Variants in ROBO2 observed in about 807,000 individuals in gnomAD.
ROBO2 encodes roundabout homolog 2.
In ROBO2, 53 loss-of-function variants were observed where a neutral mutation model predicts 160.8. That is an observed-to-expected ratio of 0.33 (90% CI 0.26 to 0.41). The LOEUF is 0.41. ROBO2 is among the 10% of genes least tolerant of loss of function. ROBO2 has a pLI of 1.00. For missense variants in ROBO2, 1,577 were observed against 1,722.4 expected (o/e 0.92, Z 1.49); for synonymous variants, 664 against 611.7 (o/e 1.09, Z -1.26).
intron 2 of ROBO2, among the ~76,000 whole-genome samples, chr3:76,389,383 A>T (rs1023652851): frequency 6.6e-6 from 1 of 152,104 alleles, no homozygotes; most frequent in East Asian, 1.9e-4. Flanking sequence ...AAAATATGGA[A>T]CTCTAGGTTA....
At chr3:77,525,396 A>G (rs937421729) in intron 6 of ROBO2, among the ~76,000 whole-genome samples, 36 of 145,496 alleles carry the variant, frequency 2.5e-4, no homozygotes, top group African/African-American at 9.2e-4. Context: ...AGATCTACTC[A>G]GTTATTTCCC....
chr3:76,217,876 C>A (rs1703669387), intron 2 of ROBO2, among the ~76,000 whole-genome samples: 1 of 152,160 alleles, frequency 6.6e-6, no homozygotes, highest in South Asian at 2.1e-4. Flanking sequence ...GAATTTTAAA[C>A]CAATATCCTT....
At chr3:76,722,155 C>T (rs986295683) in intron 2 of ROBO2, among the ~76,000 whole-genome samples, 5 of 152,078 alleles carry the variant, frequency 3.3e-5, no homozygotes, top group African/African-American at 4.8e-5. Flanking sequence ...TGTTGGGGGC[C>T]TTGTCATTGG....
intron 2 of ROBO2, among the ~76,000 whole-genome samples, chr3:76,746,374 G>A (rs2093892030): frequency 6.6e-6 from 1 of 152,102 alleles, no homozygotes; most frequent in South Asian, 2.1e-4. Flanking sequence ...GGGTCAAATG[G>A]TATTTCTAGT....
chr3:76,531,964 G>A (rs1403429228), intron 2 of ROBO2, among the ~76,000 whole-genome samples: 4 of 152,222 alleles, frequency 2.6e-5, no homozygotes, highest in Admixed American at 1.3e-4. Context: ...TGCCCAATGT[G>A]ACATGTCTGG....
intron 2 of ROBO2, among the ~76,000 whole-genome samples, chr3:76,008,852 A>G (rs2066108218): frequency 6.6e-6 from 1 of 152,162 alleles, no homozygotes; most frequent in South Asian, 2.1e-4. Context: ...TGACATGTGG[A>G]CCTTCAGAAA....
intron 2 of ROBO2, among the ~76,000 whole-genome samples, chr3:76,310,770 G>A (rs1486004465): frequency 1.3e-5 from 2 of 152,082 alleles, no homozygotes; most frequent in Non-Finnish European, 1.5e-5. Flanking sequence ...TATCCGTGGC[G>A]GTTCCTGGGT....
intron 2 of ROBO2, among the ~76,000 whole-genome samples, chr3:77,460,618 A>G (rs1473459153): frequency 6.6e-6 from 1 of 152,210 alleles, no homozygotes; most frequent in Non-Finnish European, 1.5e-5. Flanking sequence ...CCAGAAGACA[A>G]GGTAAAAAAC....
chr3:76,044,751 A>G (rs1321878993), intron 2 of ROBO2, among the ~76,000 whole-genome samples: 1 of 152,172 alleles, frequency 6.6e-6, no homozygotes, highest in South Asian at 2.1e-4. Flanking sequence ...GATAAGTGCC[A>G]TGACTAAAAT....
chr3:77,040,081 T>A lies in ROBO2; in HGVS notation c.-705T>A. On this transcript the variant is annotated 5_prime_UTR_variant, in exon 1 of 26. Coordinates refer to ENST00000461745, the Ensembl canonical transcript of ROBO2. ...CTCCCTCCCTCCCTCCCTCGCTCCT[T>A]CCCTGCCTCCCTCACCACGTAGGAG... is the stretch of plus-strand genomic sequence containing the variant. The A allele has an allele frequency of 4.9e-6, 2 of 404,950 alleles. No individual in the cohort carries two copies. Among genetic ancestry groups the A allele is most frequent in the Non-Finnish European group, 3.3e-6 (1 of 304,502 alleles). 25.1% of individuals were successfully genotyped at this position (404,950 alleles called of 1,614,324 possible). A position where few individuals can be genotyped will look rare whatever the true frequency, so the allele number is the denominator to read the frequency against.
chr3:76,514,183 T>C (rs1428367110), intron 2 of ROBO2, among the ~76,000 whole-genome samples: 2 of 152,182 alleles, frequency 1.3e-5, no homozygotes, highest in East Asian at 3.9e-4. Flanking sequence ...TGGATCCCCA[T>C]GATATCATTT....
intron 1 of ROBO2, among the ~76,000 whole-genome samples, chr3:77,077,963 G>A (rs1185339461): frequency 1.3e-5 from 2 of 152,074 alleles, no homozygotes; most frequent in African/African-American, 4.8e-5. Context: ...TGGCACTCAA[G>A]TCTGCCCCCC....
In ROBO2 at chr3:76,745,128, A is replaced by G. The variant is rs141899444; in HGVS notation, c.110-352886A>G. Among the ~76,000 whole-genome samples the G allele has an allele frequency of 7.6e-3, 1,159 of 152,266 alleles. 13 individuals are homozygous for G. The highest frequency in any genetic ancestry group is 0.026 in the African/African-American group (1,097 of 41,538). On this transcript the variant is annotated intron_variant, in intron 2 of 26. Transcript: ENST00000487694. ...ATATTTGAGGATTAATCTTTTTGCT[A>G]TTAATTTTATTTGCGTATTAACAAG... is the stretch of plus-strand genomic sequence containing the variant.
chr3:76,433,926 T>G, intron 2 of ROBO2: 1 of 640,714 alleles, frequency 1.6e-6, no homozygotes, highest in East Asian at 2.6e-5. Context: ...TGATTTGAAT[T>G]TATTTATCCA....
At chr3:76,388,304 C>G (rs2076988449) in intron 2 of ROBO2, among the ~76,000 whole-genome samples, 1 of 149,804 alleles carries the variant, frequency 6.7e-6, no homozygotes, top group African/African-American at 2.5e-5. Flanking sequence ...CGGAGTCTTG[C>G]TCTGTCGCCC....
chr3:76,321,191 A>G (rs1409544301), intron 2 of ROBO2, among the ~76,000 whole-genome samples: 1 of 152,132 alleles, frequency 6.6e-6, no homozygotes, highest in Non-Finnish European at 1.5e-5. Flanking sequence ...ATTTCAAACA[A>G]TGATAACTGC....
chr3:76,303,521 A>G (rs2071175740), intron 2 of ROBO2, among the ~76,000 whole-genome samples: 1 of 152,144 alleles, frequency 6.6e-6, no homozygotes, highest in South Asian at 2.1e-4. Context: ...CCTACACACA[A>G]CTTGTTGAAT....
chr3:76,119,912 CCCTCCCTT>C lies in ROBO2; in HGVS notation c.109+182314_109+182321del, dbSNP rs1338186114. 8.1e-3 allele frequency among the ~76,000 whole-genome samples: 691 copies of C among 84,964 alleles called. 9 individuals are homozygous for C. Among genetic ancestry groups the C allele is most frequent in the Non-Finnish European group, 0.01 (448 of 43,248 alleles). The allele number at this position is 84,964 out of a possible 152,430, so 55.7% of individuals were successfully genotyped here. On this transcript the variant is annotated intron_variant, in intron 2 of 26. Transcript: ENST00000487694. ...CTTCCCTTCCTTCCCTTCCTTCCCT[CCCTCCCTT>C]CCTTCCTTCCTTCCTTCCTTCCTTC...
intron 2 of ROBO2, among the ~76,000 whole-genome samples, chr3:75,968,687 C>T (rs1471539392): frequency 1.3e-5 from 2 of 151,536 alleles, no homozygotes; most frequent in African/African-American, 2.4e-5. Context: ...ACAACTTACT[C>T]ATCCTACATG....
Sources: gnomAD v4.1 joint callset for allele counts (sites outside exome capture counted in the v4.1 genomes callset) on GRCh38, gnomAD v4.1.1 for gene constraint, MANE v1.5 for transcripts, NCBI Gene and HGNC (gene_info 2026-07-23, HGNC 2026-07-21) for gene names.